Variants in GRIP1 observed in about 807,000 individuals in gnomAD.
The protein encoded by GRIP1 is glutamate receptor interacting protein 1.
GRIP1 carries 45 observed loss-of-function variants against 129.9 expected under a neutral mutation model. The observed-to-expected ratio is 0.35, with a 90% CI of 0.27 to 0.44. The LOEUF (loss-of-function observed/expected upper bound fraction) is 0.44, where lower values mean the gene tolerates loss of function less well. GRIP1 is among the 20% of genes least tolerant of loss of function. The pLI is 1.00. For synonymous variants in GRIP1, 530 were observed against 520.8 expected (o/e 1.02, Z -0.24); for missense variants, 1,196 against 1,396.8 (o/e 0.86, Z 2.29).
At chr12:66,654,078 T>C (rs542825128) in intron 1 of GRIP1, among the ~76,000 whole-genome samples, 4 of 152,166 alleles carry the variant, frequency 2.6e-5, no homozygotes, top group South Asian at 2.1e-4. Context: ...CACTGATTGA[T>C]TGGGGTAGAG....
At chr12:67,000,858 T>C (rs561304452) in intron 1 of GRIP1, among the ~76,000 whole-genome samples, 36 of 152,332 alleles carry the variant, frequency 2.4e-4, no homozygotes, top group African/African-American at 8.2e-4. Flanking sequence ...AGGTTCAATT[T>C]GAATGTTAGA....
At chr12:67,049,043 C>A (rs1053033054) in intron 1 of GRIP1, among the ~76,000 whole-genome samples, 3 of 151,890 alleles carry the variant, frequency 2.0e-5, no homozygotes, top group Non-Finnish European at 4.4e-5. Flanking sequence ...CCAGGCTGGT[C>A]TCAACACCTG....
chr12:66,512,507 T>C (rs889167679), intron 7 of GRIP1, among the ~76,000 whole-genome samples: 11 of 149,922 alleles, frequency 7.3e-5, no homozygotes, highest in Admixed American at 2.0e-4. Context: ...AGAAAGCTAT[T>C]ACAATGGAAG....
chr12:66,648,974 T>C (rs1183105661), intron 1 of GRIP1, among the ~76,000 whole-genome samples: 3 of 152,218 alleles, frequency 2.0e-5, no homozygotes, highest in East Asian at 1.9e-4. Context: ...CATTTTATCA[T>C]GTACGTGGGA....
At chr12:66,692,972 T>A (rs1309312506) in intron 1 of GRIP1, among the ~76,000 whole-genome samples, 1 of 152,210 alleles carries the variant, frequency 6.6e-6, no homozygotes, top group Non-Finnish European at 1.5e-5. Context: ...GAAACCACTG[T>A]AACCTAACTT....
At chr12:66,712,830 T>C (rs763870738) in intron 1 of GRIP1, among the ~76,000 whole-genome samples, 1 of 152,042 alleles carries the variant, frequency 6.6e-6, no homozygotes, top group Non-Finnish European at 1.5e-5. Context: ...TATTTTGAAT[T>C]CCTAGTACTT....
At chr12:67,012,088 T>C (rs1328934540) in intron 1 of GRIP1, among the ~76,000 whole-genome samples, 1 of 152,218 alleles carries the variant, frequency 6.6e-6, no homozygotes, top group African/African-American at 2.4e-5. Context: ...ATAGTAGTCA[T>C]ACAATAAGCA....
chr12:66,554,047 G>A (rs2062232572), intron 2 of GRIP1, among the ~76,000 whole-genome samples: 1 of 152,136 alleles, frequency 6.6e-6, no homozygotes, highest in Non-Finnish European at 1.5e-5. Flanking sequence ...TTGACTTGGT[G>A]GGCATGTGAC....
chr12:66,790,761 C>T (rs1279557929), intron 1 of GRIP1, among the ~76,000 whole-genome samples: 2 of 151,844 alleles, frequency 1.3e-5, no homozygotes. Context: ...AATGCACCAC[C>T]CAGAAGACAG....
chr12:66,473,042 AG>A lies in GRIP1; in HGVS notation c.725-7621del, dbSNP rs751241068. 9.9e-4 allele frequency among the ~76,000 whole-genome samples: 151 copies of A among 152,308 alleles called. 1 individual carries two copies. Among genetic ancestry groups the A allele is most frequent in the Admixed American group, 3.3e-3 (50 of 15,302 alleles). ...CAAGTGGTCTAGCTCAGCAGACCCC[AG>A]CCCCATGGAGCCCAGCAAGCTAAGA... On this transcript the variant is annotated intron_variant, in intron 7 of 24. Coordinates refer to ENST00000359742, the MANE Select transcript of GRIP1 (RefSeq NM_001366722.1).
chr12:66,837,544 G>A (rs1466925285), intron 1 of GRIP1, among the ~76,000 whole-genome samples: 2 of 152,154 alleles, frequency 1.3e-5, no homozygotes, highest in Non-Finnish European at 2.9e-5. Context: ...TGAGGCTGGG[G>A]AAGTTGGCAA....
At chr12:66,970,829 C>A (rs2202339) in intron 1 of GRIP1, among the ~76,000 whole-genome samples, 23,761 of 152,058 alleles carry the variant, frequency 0.16, 2,748 homozygotes, top group African/African-American at 0.32. Flanking sequence ...TCTAGAGGTG[C>A]CTCGAGTCAG....
chr12:66,802,522 G>C (rs2038887601), intron 1 of GRIP1, among the ~76,000 whole-genome samples: 1 of 152,106 alleles, frequency 6.6e-6, no homozygotes, highest in Non-Finnish European at 1.5e-5. Flanking sequence ...TTCTTGTCAA[G>C]ACATTTTATA....
At chr12:66,369,474 T>C (rs1016681097) in intron 23 of GRIP1, among the ~76,000 whole-genome samples, 12 of 152,082 alleles carry the variant, frequency 7.9e-5, no homozygotes, top group African/African-American at 2.9e-4. Flanking sequence ...ACAGGTCTTT[T>C]GTATTCCTGG....
At chr12:66,538,253 G>A (rs1450659279) in intron 4 of GRIP1, among the ~76,000 whole-genome samples, 1 of 150,536 alleles carries the variant, frequency 6.6e-6, no homozygotes, top group African/African-American at 2.5e-5. Flanking sequence ...AGGCTGGAGT[G>A]CAATGACACA....
At position 66,964,440 on chromosome 12, in the gene GRIP1, C is replaced by G. The variant is rs542867964; in HGVS notation, c.58+104610G>C. Among the ~76,000 whole-genome samples, 421 of 152,118 alleles carry G rather than the reference C, an allele frequency of 2.8e-3. 2 individuals carry two copies. Among genetic ancestry groups the G allele is most frequent in the Non-Finnish European group, 4.4e-3 (302 of 68,014 alleles). On this transcript the variant is annotated intron_variant, in intron 1 of 1. Transcript: ENST00000643019. ...CCCTAATGCCTAATCTCACTAGTCC[C>G]CCATTCACCCACACCCTAGAATTCA... is the stretch of plus-strand genomic sequence containing the variant.
chr12:67,037,856 C>T (rs1270215687), intron 1 of GRIP1, among the ~76,000 whole-genome samples: 2 of 152,180 alleles, frequency 1.3e-5, no homozygotes, highest in Admixed American at 6.5e-5. Flanking sequence ...GTCTAGATTA[C>T]TTGAAAGTAG....
intron 1 of GRIP1, among the ~76,000 whole-genome samples, chr12:67,066,888 T>TTTTATATATATA (rs59891449): frequency 0.088 from 11,016 of 125,190 alleles, 614 homozygotes; most frequent in Middle Eastern, 0.13. Flanking sequence ...AAATATATAT[T>TTTTATATATATA]TATATATATA....
At chr12:66,543,177 C>T (rs774043212) in intron 2 of GRIP1, among the ~76,000 whole-genome samples, 94 of 151,982 alleles carry the variant, frequency 6.2e-4, no homozygotes, top group Non-Finnish European at 1.1e-3. Flanking sequence ...AGGCTGGGGA[C>T]GGCAGGCTAC....
Sources: allele counts gnomAD v4.1 joint callset (sites outside exome capture counted in the v4.1 genomes callset), GRCh38; gene constraint gnomAD v4.1.1; transcripts MANE v1.5; gene names NCBI Gene and HGNC (gene_info 2026-07-23, HGNC 2026-07-21).